The following SMAP1 variants were observed in gnomAD, a reference collection of about 807,000 sequenced individuals.
SMAP1 encodes the protein stromal membrane-associated protein 1.
A neutral mutation model predicts 58.5 loss-of-function variants in SMAP1; 24 were observed. The ratio of observed to expected loss-of-function variants is 0.41; its 90% CI spans 0.30 to 0.58. The LOEUF is 0.58. Among genes scored for constraint, SMAP1 ranks in the 20% least tolerant of loss-of-function variants. The probability of loss-of-function intolerance (pLI) is 0.29; values close to 1 mark genes in which losing one functional copy is unlikely to be tolerated. For synonymous variants in SMAP1, 216 were observed against 196.6 expected (o/e 1.10, Z -0.82); for missense variants, 563 against 566.3 (o/e 0.99, Z 0.06).
At chr6:70,677,167 A>G (rs890333096) in intron 1 of SMAP1, among the ~76,000 whole-genome samples, 4 of 148,536 alleles carry the variant, frequency 2.7e-5, no homozygotes, top group Admixed American at 2.7e-4. Context: ...TTTTGTCTTC[A>G]TATATATATA....
At chr6:70,712,359 A>G (rs941578443) in intron 1 of SMAP1, among the ~76,000 whole-genome samples, 2 of 152,338 alleles carry the variant, frequency 1.3e-5, no homozygotes, top group African/African-American at 4.8e-5. Flanking sequence ...AGATTTTTGA[A>G]TGTGTGCTCA....
At chr6:70,766,640 T>A (rs575782385) in intron 3 of SMAP1, among the ~76,000 whole-genome samples, 17 of 152,226 alleles carry the variant, frequency 1.1e-4, no homozygotes, top group African/African-American at 4.1e-4. Flanking sequence ...TAGATTCTGG[T>A]TATTAGCCCT....
chr6:70,746,552 T>G (rs1296055876), intron 2 of SMAP1, among the ~76,000 whole-genome samples: 1 of 152,236 alleles, frequency 6.6e-6, no homozygotes, highest in African/African-American at 2.4e-5. Context: ...AGCTTTTTGA[T>G]GTGCTGCCGG....
chr6:70,680,018 G>A lies in SMAP1; in HGVS notation c.118+11877G>A, dbSNP rs79873641. ...TATAGTTATCTGTGGAACATAATAC[G>A]TAGTCCAGAAATAGACTCACATATT... is the stretch of plus-strand genomic sequence containing the variant. On this transcript the variant is annotated intron_variant, in intron 1 of 10. Coordinates refer to ENST00000370455, the MANE Select transcript of SMAP1 (RefSeq NM_001044305.3). Among the ~76,000 whole-genome samples the A allele has an allele frequency of 4.5e-3, 679 of 152,160 alleles. 18 individuals are homozygous for A. In the East Asian group the frequency reaches 0.06, roughly 13 times the overall value.
At chr6:70,762,082 C>T (rs991110755) in intron 3 of SMAP1, among the ~76,000 whole-genome samples, 22 of 152,052 alleles carry the variant, frequency 1.4e-4, no homozygotes, top group African/African-American at 5.1e-4. Flanking sequence ...AGAATGTCAA[C>T]ATATAATGCA....
At chr6:70,771,856 A>G (rs921203725) in intron 3 of SMAP1, among the ~76,000 whole-genome samples, 11 of 152,098 alleles carry the variant, frequency 7.2e-5, no homozygotes, top group African/African-American at 2.4e-4. Context: ...TCACGCTGGG[A>G]GCTGTAGACC....
chr6:70,830,644 G>T (rs1483806593), intron 6 of SMAP1, among the ~76,000 whole-genome samples: 2 of 152,134 alleles, frequency 1.3e-5, no homozygotes, highest in East Asian at 3.8e-4. Context: ...TATGTTATAG[G>T]CAAACCTGGA....
chr6:70,724,797 T>TA (rs1461274157), intron 1 of SMAP1, among the ~76,000 whole-genome samples: 10 of 152,238 alleles, frequency 6.6e-5, no homozygotes, highest in African/African-American at 2.4e-4. Context: ...AATATGTTAG[T>TA]AGCTTTAAGA....
chr6:70,824,932 C>A (rs1371456707), intron 6 of SMAP1, among the ~76,000 whole-genome samples: 1 of 152,168 alleles, frequency 6.6e-6, no homozygotes, highest in African/African-American at 2.4e-5. Flanking sequence ...CCATTGCCTT[C>A]TTTCTGCTTT....
At chr6:70,726,918 A>C (rs1173060824) in intron 1 of SMAP1, among the ~76,000 whole-genome samples, 1 of 145,356 alleles carries the variant, frequency 6.9e-6, no homozygotes, top group African/African-American at 2.5e-5. Context: ...TGTGTGTAGA[A>C]ATTTAAATTA....
At chr6:70,808,943 C>CGTGT (rs1769269838) in intron 6 of SMAP1, among the ~76,000 whole-genome samples, 1 of 127,362 alleles carries the variant, frequency 7.9e-6, no homozygotes, top group South Asian at 2.6e-4. Context: ...TGTGTGTGTA[C>CGTGT]ACACTTACTG....
intron 2 of SMAP1, among the ~76,000 whole-genome samples, chr6:70,745,732 G>A (rs1390442048): frequency 6.6e-6 from 1 of 152,176 alleles, no homozygotes; most frequent in African/African-American, 2.4e-5. Flanking sequence ...TAGCTTGATG[G>A]GGATGGCACT....
chr6:70,712,549 T>C (rs1768096042), intron 1 of SMAP1, among the ~76,000 whole-genome samples: 1 of 152,224 alleles, frequency 6.6e-6, no homozygotes, highest in African/African-American at 2.4e-5. Flanking sequence ...AGAATTTAGC[T>C]GTGAAGCCAT....
rs142583156 is a variant in SMAP1 at position 70,813,041 on chromosome 6, A to G, written c.576+14304A>G. Among the ~76,000 whole-genome samples, 1,135 of 152,144 alleles carry G rather than the reference A, an allele frequency of 7.5e-3. 21 individuals carry two copies. The highest frequency in any genetic ancestry group is 0.026 in the African/African-American group (1,064 of 41,518). On this transcript the variant is annotated intron_variant, in intron 6 of 10. Coordinates refer to ENST00000370455, the MANE Select transcript of SMAP1 (RefSeq NM_001044305.3). ...AAAAAGGAAAATCACCTTACATCTT[A>G]CTGCCTGGAGTCTCACCACTTTTAA... is the stretch of plus-strand genomic sequence containing the variant.
At chr6:70,690,682 T>A (rs116921284) in intron 1 of SMAP1, among the ~76,000 whole-genome samples, 3,781 of 128,870 alleles carry the variant, frequency 0.029, 94 homozygotes, top group Middle Eastern at 0.054. Flanking sequence ...GGTCTTGATG[T>A]ATCTTTTATA....
intron 6 of SMAP1, among the ~76,000 whole-genome samples, chr6:70,802,450 CAAACAGGGAG>C (rs960008601): frequency 2.5e-4 from 38 of 152,298 alleles, no homozygotes; most frequent in African/African-American, 8.9e-4. Flanking sequence ...ATGTCATCTG[CAAACAGGGAG>C]AATTTGACTT....
At chr6:70,813,061 T>A (rs1769459273) in intron 6 of SMAP1, among the ~76,000 whole-genome samples, 2 of 152,190 alleles carry the variant, frequency 1.3e-5, no homozygotes, top group African/African-American at 4.8e-5. Context: ...GTCTCACCAC[T>A]TTTAACATTT....
chr6:70,673,297 A>G (rs757579528), intron 1 of SMAP1, among the ~76,000 whole-genome samples: 2 of 152,210 alleles, frequency 1.3e-5, no homozygotes, highest in Non-Finnish European at 2.9e-5. Context: ...CATAAGGCCT[A>G]TGGAGCTGCA....
At chr6:70,796,098 T>C (rs1157970520) in intron 5 of SMAP1, among the ~76,000 whole-genome samples, 1 of 152,142 alleles carries the variant, frequency 6.6e-6, no homozygotes, top group East Asian at 1.9e-4. Context: ...TACGAATATA[T>C]AGAAAACATT....
Sources: gnomAD v4.1 joint callset for allele counts (sites outside exome capture counted in the v4.1 genomes callset) on GRCh38, gnomAD v4.1.1 for gene constraint, MANE v1.5 for transcripts, NCBI Gene and HGNC (gene_info 2026-07-23, HGNC 2026-07-21) for gene names.